The following NRIP1 variants were observed in gnomAD, a reference collection of about 807,000 sequenced individuals.
The protein encoded by NRIP1 is nuclear receptor interacting protein 1, also known as nuclear receptor-interacting protein 1.
NRIP1 carries 28 observed loss-of-function variants against 75.0 expected under a neutral mutation model. The observed-to-expected ratio is 0.37, with a 90% CI of 0.28 to 0.51. NRIP1 has a LOEUF of 0.51. Ranked by LOEUF, NRIP1 falls within the 20% of genes least tolerant of loss-of-function variation. The pLI, the probability that NRIP1 is intolerant of heterozygous loss-of-function variation, is 0.92. For missense variants in NRIP1, 1,435 were observed against 1,343.7 expected (o/e 1.07, Z -1.06); for synonymous variants, 526 against 487.6 (o/e 1.08, Z -1.04).
intron 3 of NRIP1, among the ~76,000 whole-genome samples, chr21:14,996,380 G>A (rs1185926671): frequency 6.6e-6 from 1 of 152,088 alleles, no homozygotes; most frequent in Non-Finnish European, 1.5e-5. Flanking sequence ...TCCGGTCTTT[G>A]GGCGTCTGTG....
At chr21:15,036,529 T>C (rs2088836096) in intron 2 of NRIP1, among the ~76,000 whole-genome samples, 1 of 152,070 alleles carries the variant, frequency 6.6e-6, no homozygotes, top group Non-Finnish European at 1.5e-5. Context: ...TTACCATTTC[T>C]TTCTGTGAAC....
intron 3 of NRIP1, among the ~76,000 whole-genome samples, chr21:14,985,986 T>C (rs2087389721): frequency 6.6e-6 from 1 of 152,220 alleles, no homozygotes; most frequent in African/African-American, 2.4e-5. Flanking sequence ...TAAGCCTTTA[T>C]GCAAGAAAGG....
rs1212653098 is a variant in NRIP1, at chr21:15,043,556, C to T, written c.-519G>A. 1 of 152,138 alleles carries T rather than the reference C, an allele frequency of 6.6e-6. No homozygotes were observed. The allele number at this position is 152,138 out of a possible 1,614,324, so 9.4% of individuals were successfully genotyped here. On this transcript the variant is annotated 5_prime_UTR_variant, in exon 2 of 4. Transcript: ENST00000318948. ...AGTCCTGAGAACAGTTCTGAAATAGCTCACAATCCAAACACTTCCTGAAAA... is the reference window on the plus strand; with the variant it reads ...AGTCCTGAGAACAGTTCTGAAATAGTTCACAATCCAAACACTTCCTGAAAA...
In NRIP1 at chr21:14,967,713, T is replaced by C. The variant is rs149017808; in HGVS notation, c.480A>G (p.Gln160=). The C allele has an allele frequency of 1.4e-3, 2,322 of 1,614,168 alleles. 1 individual carries two copies. Among genetic ancestry groups the C allele is most frequent in the Non-Finnish European group, 1.8e-3 (2,145 of 1,180,030 alleles). ...SQQIRQSLKE[Q]GYALSHDSLK... is the part of the protein sequence containing the mutation. Reference sequence around the variant, plus strand: ...AAGAATCATGACTGAGGGCATATCCTTGCTCCTTGAGGCTCTGCCTGATTT... The same window carrying C: ...AAGAATCATGACTGAGGGCATATCCCTGCTCCTTGAGGCTCTGCCTGATTT... Residue 160 remains glutamine (Q), a synonymous_variant, in exon 4 of 4, where the codon CAA becomes CAG. Coordinates refer to ENST00000318948, the MANE Select transcript of NRIP1 (RefSeq NM_003489.4).
At chr21:14,995,175 T>C (rs759815365) in intron 3 of NRIP1, among the ~76,000 whole-genome samples, 2 of 152,196 alleles carry the variant, frequency 1.3e-5, no homozygotes, top group Non-Finnish European at 2.9e-5. Context: ...AAGGAGTAAC[T>C]AGATAAGCAG....
chr21:15,063,006 C>A (rs1049598772), intron 1 of NRIP1, among the ~76,000 whole-genome samples: 2 of 152,090 alleles, frequency 1.3e-5, no homozygotes, highest in African/African-American at 4.8e-5. Flanking sequence ...ATAAAATCAA[C>A]AACGAACAGT....
intron 3 of NRIP1, among the ~76,000 whole-genome samples, chr21:14,990,543 G>A (rs1158511557): frequency 1.3e-5 from 2 of 152,130 alleles, no homozygotes. Flanking sequence ...CAAAATTTAG[G>A]TACTATGACT....
At chr21:14,980,863 T>C (rs2087215197) in intron 3 of NRIP1, among the ~76,000 whole-genome samples, 1 of 152,164 alleles carries the variant, frequency 6.6e-6, no homozygotes, top group South Asian at 2.1e-4. Flanking sequence ...CCTAGAAAGA[T>C]TGCTAGTTTT....
intron 3 of NRIP1, among the ~76,000 whole-genome samples, chr21:15,012,900 T>C (rs2088142651): frequency 6.6e-6 from 1 of 152,188 alleles, no homozygotes; most frequent in South Asian, 2.1e-4. Flanking sequence ...ATTCTGGCTA[T>C]GTGGTAAAAC....
At position 14,968,528 on chromosome 21, in the gene NRIP1, T is replaced by TA. The variant is rs1193018356; in HGVS notation, c.-334-3dup. 7 of 202,342 alleles carry TA rather than the reference T, an allele frequency of 3.5e-5. No homozygotes were observed. Among genetic ancestry groups the TA allele is most frequent in the Admixed American group, 5.3e-5 (1 of 18,778 alleles). 12.5% of individuals were successfully genotyped at this position (202,342 alleles called of 1,614,324 possible). A position where few individuals can be genotyped will look rare whatever the true frequency, so the allele number is the denominator to read the frequency against. On this transcript the variant is annotated splice_polypyrimidine_tract_variant and splice_region_variant and intron_variant, in intron 3 of 3. Coordinates refer to ENST00000318948, the MANE Select transcript of NRIP1 (RefSeq NM_003489.4). ...CCATTAAATGCAAATATCAGTGTTC[T>TA]AAAAAAAATAAAAATAAGAATAGTT...
chr21:14,966,400 T>A lies in NRIP1; in HGVS notation c.1793A>T (p.His598Leu), dbSNP rs1313825908. Residue 598 changes from histidine to leucine, a missense_variant, in exon 4 of 4, where the codon CAC becomes CTC. Physicochemically the swap from His to Leu is moderately conservative, Grantham distance 99. Coordinates refer to ENST00000318948, the MANE Select transcript of NRIP1 (RefSeq NM_003489.4). ...TTTGCTTTTTGTAAGGTCCATTGAGTGGTTAGATGCAGTATTTGTTAGCTT... is the reference window on the plus strand; with the variant it reads ...TTTGCTTTTTGTAAGGTCCATTGAGAGGTTAGATGCAGTATTTGTTAGCTT... ...SEKLTNTASN[H>L]SMDLTKSKDP... 6.2e-7 allele frequency: 1 copy of A among 1,614,032 alleles called. No individual in the cohort carries two copies. Among genetic ancestry groups the A allele is most frequent in the Admixed American group, 1.7e-5 (1 of 60,010 alleles).
In NRIP1 at chr21:14,965,064, C is replaced by A; in HGVS notation, c.3129G>T (p.Lys1043Asn). ...CSMPSEKGPI[K>N]WVITDAEKNE... ...TCTTCTCCGCATCAGTGATAACCCACTTAATGGGTCCTTTCTCACTGGGCA... is the reference window on the plus strand; with the variant it reads ...TCTTCTCCGCATCAGTGATAACCCAATTAATGGGTCCTTTCTCACTGGGCA... Residue 1043 changes from lysine (K) to asparagine (N), a missense_variant, in exon 4 of 4, where the codon AAG (lysine) becomes AAT (asparagine). Lys to Asn is a moderately conservative substitution (Grantham distance 94). Transcript: ENST00000318948. 3.1e-6 allele frequency: 5 copies of A among 1,613,868 alleles called. No homozygotes were observed. Among genetic ancestry groups the A allele is most frequent in the Non-Finnish European group, 4.2e-6 (5 of 1,179,916 alleles).
At chr21:15,041,219 G>A (rs1358993143) in intron 2 of NRIP1, among the ~76,000 whole-genome samples, 16 of 152,046 alleles carry the variant, frequency 1.1e-4, no homozygotes, top group Non-Finnish European at 1.5e-5. Context: ...ACATAATGTT[G>A]ATAAAAAAAG....
Position 15,057,804 on chromosome 21 carries a change from A to G in NRIP1, c.-538+6941T>C, listed in dbSNP as rs887699591. On this transcript the variant is annotated intron_variant, in intron 1 of 3. Transcript: ENST00000318948. ...TTATCTCTAAACTAGAGAAAATGATACCTACATGTCACAGGGGAACTGGAA... is the reference window on the plus strand; with the variant it reads ...TTATCTCTAAACTAGAGAAAATGATGCCTACATGTCACAGGGGAACTGGAA... Among the ~76,000 whole-genome samples the G allele has an allele frequency of 8.3e-4, 126 of 152,188 alleles. 10 individuals are homozygous for G. Among genetic ancestry groups the G allele is most frequent in the Non-Finnish European group, 1.2e-4 (8 of 68,032 alleles).
At chr21:15,004,957 A>G (rs2087930393) in intron 3 of NRIP1, among the ~76,000 whole-genome samples, 1 of 152,210 alleles carries the variant, frequency 6.6e-6, no homozygotes, top group South Asian at 2.1e-4. Flanking sequence ...CCTAGTTCCT[A>G]AGTCCAGCCA....
At chr21:15,054,265 G>A (rs570907484) in intron 1 of NRIP1, among the ~76,000 whole-genome samples, 54 of 152,266 alleles carry the variant, frequency 3.5e-4, no homozygotes, top group Non-Finnish European at 5.9e-4. Context: ...TTACCAAGCC[G>A]TCAAATCCAA....
chr21:15,041,748 TAA>T (rs2088960523), intron 2 of NRIP1, among the ~76,000 whole-genome samples: 1 of 152,176 alleles, frequency 6.6e-6, no homozygotes, highest in Non-Finnish European at 1.5e-5. Context: ...TCTTTATAGC[TAA>T]GTGTGAATGT....
chr21:15,029,217 T>C (rs2088588528), intron 2 of NRIP1, among the ~76,000 whole-genome samples: 2 of 152,178 alleles, frequency 1.3e-5, no homozygotes, highest in African/African-American at 2.4e-5. Flanking sequence ...TGCTAAAACA[T>C]GATATTGGGC....
chr21:15,011,882 T>C (rs2088112555), intron 3 of NRIP1, among the ~76,000 whole-genome samples: 1 of 152,200 alleles, frequency 6.6e-6, no homozygotes, highest in Admixed American at 6.5e-5. Flanking sequence ...GATGATTGTA[T>C]CTCTTTCAAA....
Sources: allele counts gnomAD v4.1 joint callset (sites outside exome capture counted in the v4.1 genomes callset), GRCh38; gene constraint gnomAD v4.1.1; transcripts MANE v1.5; gene names NCBI Gene and HGNC (gene_info 2026-07-23, HGNC 2026-07-21).